Variants in PTPRN2 observed in about 807,000 individuals in gnomAD.
The protein encoded by PTPRN2 is receptor-type tyrosine-protein phosphatase N2.
In PTPRN2, 74 loss-of-function variants were observed where a neutral mutation model predicts 118.8. The ratio of observed to expected loss-of-function variants is 0.62; its 90% confidence interval spans 0.52 to 0.76. The LOEUF (loss-of-function observed/expected upper bound fraction) is 0.76, where lower values mean the gene tolerates loss of function less well. Among genes scored for constraint, PTPRN2 ranks in the 30% least tolerant of loss-of-function variants. PTPRN2 has a pLI of 0.00. For missense variants in PTPRN2, 1,481 were observed against 1,394.4 expected, an observed-to-expected ratio of 1.06 and a Z score of -0.99; for synonymous variants, 641 against 608.0, an observed-to-expected ratio of 1.05 and a Z score of -0.80.
At chr7:158,341,044 T>C (rs1196338033) in intron 2 of PTPRN2, among the ~76,000 whole-genome samples, 5 of 41,648 alleles carry the variant, frequency 1.2e-4, no homozygotes, top group Admixed American at 2.7e-4. Context: ...CACCATGAGG[T>C]GACACCTGCA....
At chr7:157,655,512 T>G (rs1806011559) in intron 14 of PTPRN2, among the ~76,000 whole-genome samples, 2 of 152,314 alleles carry the variant, frequency 1.3e-5, no homozygotes, top group South Asian at 4.1e-4. Context: ...AACAGCAACT[T>G]ACAGGGTCCA....
chr7:157,756,204 G>C (rs1266693201), intron 12 of PTPRN2, among the ~76,000 whole-genome samples: 1 of 152,180 alleles, frequency 6.6e-6, no homozygotes, highest in Admixed American at 6.5e-5. Context: ...TTCCAAAAGA[G>C]TTTCCATGAA....
chr7:158,225,637 A>T (rs1331529854), intron 3 of PTPRN2, among the ~76,000 whole-genome samples: 1 of 152,222 alleles, frequency 6.6e-6, no homozygotes, highest in African/African-American at 2.4e-5. Context: ...TTGGAGTGCA[A>T]TCATTATATA....
intron 2 of PTPRN2, among the ~76,000 whole-genome samples, chr7:158,381,806 C>CA (rs1311838329): frequency 3.3e-5 from 5 of 152,166 alleles, no homozygotes; most frequent in Non-Finnish European, 5.9e-5. Context: ...GGAGGCCTCA[C>CA]AATCATGGTG....
intron 10 of PTPRN2, among the ~76,000 whole-genome samples, chr7:158,100,436 A>T (rs990804702): frequency 2.0e-5 from 3 of 152,204 alleles, no homozygotes; most frequent in Non-Finnish European, 2.9e-5. Flanking sequence ...GGGATTGCTG[A>T]ATCAAATGGT....
intron 2 of PTPRN2, among the ~76,000 whole-genome samples, chr7:158,319,573 GCA>G (rs1217794913): frequency 2.5e-5 from 1 of 39,352 alleles, no homozygotes; most frequent in African/African-American, 1.0e-4. Context: ...CCTCACACAC[GCA>G]CACAGCCTCC....
At chr7:157,688,102 A>C (rs1669559801) in intron 12 of PTPRN2, among the ~76,000 whole-genome samples, 1 of 152,256 alleles carries the variant, frequency 6.6e-6, no homozygotes. Flanking sequence ...CAAAAAACCC[A>C]AAAAAGCAAA....
intron 2 of PTPRN2, among the ~76,000 whole-genome samples, chr7:158,340,709 C>T (rs1445108098): frequency 2.6e-5 from 2 of 76,592 alleles, no homozygotes; most frequent in African/African-American, 9.5e-5. Flanking sequence ...CTGCAGACGT[C>T]ACTCACACCC....
rs1239750540 is a variant in PTPRN2, at chr7:157,982,243, G to T, written c.1724-83506C>A. The stretch of plus-strand genomic sequence containing the variant: ...TGAGGAGGGGAATGCAGAGTGCGGG[G>T]TCCCCCCAAACCCCGAGTCATAGAG... On this transcript the variant is annotated intron_variant, in intron 11 of 22. Coordinates refer to ENST00000389418, the MANE Select transcript of PTPRN2 (RefSeq NM_002847.5). 1.6e-3 allele frequency among the ~76,000 whole-genome samples: 208 copies of T among 132,750 alleles called. 1 individual carries two copies. Among genetic ancestry groups the T allele is most frequent in the African/African-American group, 3.7e-3 (126 of 33,956 alleles). 87.1% of individuals were successfully genotyped at this position (132,750 alleles called of 152,430 possible).
At position 157,993,182 on chromosome 7, in the gene PTPRN2, T is replaced by C. The variant is rs1280894366; in HGVS notation, c.1723+88116A>G. 2.0e-5 allele frequency among the ~76,000 whole-genome samples: 3 copies of C among 152,332 alleles called. No homozygotes were observed. The East Asian group carries it at 5.8e-4, about 29-fold the overall frequency. Reference sequence around the variant, plus strand: ...CCCACAACATATTATGGGCGGCTCATAAGATTTTCTATCAAAACGTAAATA... The same window carrying C: ...CCCACAACATATTATGGGCGGCTCACAAGATTTTCTATCAAAACGTAAATA... On this transcript the variant is annotated intron_variant, in intron 11 of 22. Coordinates refer to ENST00000389418, the MANE Select transcript of PTPRN2 (RefSeq NM_002847.5).
intron 9 of PTPRN2, among the ~76,000 whole-genome samples, chr7:158,130,819 CAT>C (rs1484631359): frequency 3.3e-5 from 5 of 151,190 alleles, no homozygotes; most frequent in African/African-American, 7.3e-5. Context: ...AACACACACA[CAT>C]ACACACACGT....
intron 4 of PTPRN2, among the ~76,000 whole-genome samples, chr7:158,194,330 T>C (rs905183379): frequency 6.6e-6 from 1 of 152,218 alleles, no homozygotes; most frequent in Non-Finnish European, 1.5e-5. Flanking sequence ...GAGTGCGTCA[T>C]TTATGTCCAT....
At chr7:158,540,672 G>A (rs1026960526) in intron 1 of PTPRN2, among the ~76,000 whole-genome samples, 21 of 152,180 alleles carry the variant, frequency 1.4e-4, no homozygotes, top group African/African-American at 4.8e-4. Flanking sequence ...GGCAGGGGTG[G>A]GGTCGCCCCA....
intron 1 of PTPRN2, among the ~76,000 whole-genome samples, chr7:158,566,074 C>T (rs149980703): frequency 3.2e-4 from 48 of 152,248 alleles, no homozygotes; most frequent in African/African-American, 9.9e-4. Context: ...CAAGCTTGGC[C>T]GGGCGCAGTG....
intron 6 of PTPRN2, among the ~76,000 whole-genome samples, chr7:158,149,401 A>G (rs187236596): frequency 1.3e-5 from 2 of 152,270 alleles, no homozygotes; most frequent in East Asian, 3.9e-4. Context: ...ATAAACTCTT[A>G]AAACATAAAA....
At chr7:157,776,191 A>C (rs1191716076) in intron 12 of PTPRN2, among the ~76,000 whole-genome samples, 26 of 54,752 alleles carry the variant, frequency 4.7e-4, no homozygotes, top group Middle Eastern at 0.017. Context: ...CCTCTCCTTC[A>C]CTTCCTCCCT....
chr7:157,582,632 TTGGGAGGCCGA>T (rs1216011729), intron 17 of PTPRN2, among the ~76,000 whole-genome samples: 2 of 152,026 alleles, frequency 1.3e-5, no homozygotes, highest in African/African-American at 2.4e-5. Flanking sequence ...TCCCAGCACT[TTGGGAGGCCGA>T]GGCAGGTGGA....
At chr7:157,644,179 G>A (rs1438321122) in intron 14 of PTPRN2, among the ~76,000 whole-genome samples, 1 of 152,214 alleles carries the variant, frequency 6.6e-6, no homozygotes, top group Non-Finnish European at 1.5e-5. Flanking sequence ...GAGGCCACTG[G>A]GGTTGGCCCC....
intron 11 of PTPRN2, among the ~76,000 whole-genome samples, chr7:158,009,021 G>A (rs1445801964): frequency 2.6e-5 from 4 of 151,912 alleles, no homozygotes; most frequent in Admixed American, 6.6e-5. Context: ...GCACTTCCCC[G>A]AGGTCACTGC....
Sources: gnomAD v4.1 joint callset for allele counts (sites outside exome capture counted in the v4.1 genomes callset) on GRCh38, gnomAD v4.1.1 for gene constraint, MANE v1.5 for transcripts, NCBI Gene and HGNC (gene_info 2026-07-23, HGNC 2026-07-21) for gene names.